The following TRIM59 variants were observed in gnomAD, a reference collection of about 807,000 sequenced individuals.
The protein encoded by TRIM59 is tripartite motif containing 59.
A neutral mutation model predicts 32.2 loss-of-function variants in TRIM59; 14 were observed. That is an observed-to-expected ratio of 0.43 (90% CI 0.29 to 0.68). The LOEUF is 0.68. Ranked by LOEUF, TRIM59 falls within the 30% of genes least tolerant of loss-of-function variation. The probability of loss-of-function intolerance (pLI) is 0.15; values close to 1 mark genes in which losing one functional copy is unlikely to be tolerated. For synonymous variants in TRIM59, 163 were observed against 155.1 expected, an observed-to-expected ratio of 1.05 and a Z score of -0.38; for missense variants, 471 against 463.3, an observed-to-expected ratio of 1.02 and a Z score of -0.15.
rs1718895126 is a variant in TRIM59 at position 160,435,613 on chromosome 3, A to G, written c.*2359T>C. ...TTGCAATCTTCCTGCTGGTAAAAAT[A>G]CAAAACAGCAGCATAAGAACCAGTT... On this transcript the variant is annotated 3_prime_UTR_variant, in exon 3 of 3. Coordinates refer to ENST00000309784, the MANE Select transcript of TRIM59 (RefSeq NM_173084.3). 6.1e-6 allele frequency: 1 copy of G among 165,062 alleles called. No individual in the cohort carries two copies. The highest frequency in any genetic ancestry group is 2.4e-5 in the African/African-American group (1 of 41,708). 10.2% of individuals were successfully genotyped at this position (165,062 alleles called of 1,614,324 possible).
At chr3:160,447,480 AC>A (rs1719599080) in intron 2 of TRIM59, among the ~76,000 whole-genome samples, 1 of 152,186 alleles carries the variant, frequency 6.6e-6, no homozygotes. Context: ...GAATTTCCAA[AC>A]TTTTTATTAA....
Position 160,435,975 on chromosome 3 carries a change from T to TA in TRIM59, c.*1996dup, listed in dbSNP as rs1718921051. On this transcript the variant is annotated 3_prime_UTR_variant, in exon 3 of 3. Transcript: ENST00000309784. ...ACATAATGGCTAACATTTCATTGCT[T>TA]ACGTGTTTTTGAAACTACAGGGCAC... The TA allele has an allele frequency of 7.9e-7, 1 of 1,272,016 alleles. No individual in the cohort carries two copies. Among genetic ancestry groups the TA allele is most frequent in the South Asian group, 1.3e-5 (1 of 77,710 alleles). The allele number at this position is 1,272,016 out of a possible 1,614,324, so 78.8% of individuals were successfully genotyped here.
In TRIM59 at chr3:160,448,785, T is replaced by G; in HGVS notation, c.-63A>C. 1 of 1,261,084 alleles carries G rather than the reference T, an allele frequency of 7.9e-7. No homozygotes were observed. 78.1% of individuals were successfully genotyped at this position (1,261,084 alleles called of 1,614,324 possible). A position where few individuals can be genotyped will look rare whatever the true frequency, so the allele number is the denominator to read the frequency against. ...TCTTCTCCAACTCCTCCAGAATCTT[T>G]TATTCTTATTCTAAAATTAAAATAA... On this transcript the variant is annotated 5_prime_UTR_variant, in exon 2 of 3. Coordinates refer to ENST00000309784, the MANE Select transcript of TRIM59 (RefSeq NM_173084.3).
In TRIM59 at chr3:160,437,450, T is replaced by C. The variant is rs1054713373; in HGVS notation, c.*522A>G. ...GTGATAAGCATTTAGGGCTCTTAAA[T>C]CTATCTCAAACACAGGTATGTTTGA... On this transcript the variant is annotated 3_prime_UTR_variant, in exon 3 of 3. Coordinates refer to ENST00000309784, the MANE Select transcript of TRIM59 (RefSeq NM_173084.3). 4.7e-5 allele frequency: 46 copies of C among 985,306 alleles called. No homozygotes were observed. The highest frequency in any genetic ancestry group is 5.2e-4 in the Middle Eastern group (1 of 1,936). 61.0% of individuals were successfully genotyped at this position (985,306 alleles called of 1,614,324 possible). A position where few individuals can be genotyped will look rare whatever the true frequency, so the allele number is the denominator to read the frequency against.
chr3:160,441,387 T>C (rs544809561), intron 2 of TRIM59, among the ~76,000 whole-genome samples: 1 of 151,884 alleles, frequency 6.6e-6, no homozygotes, highest in Admixed American at 6.6e-5. Flanking sequence ...TGTTTTGGGG[T>C]TTTTTGTTTT....
In TRIM59 at chr3:160,436,451, A is replaced by C. The variant is rs925506023; in HGVS notation, c.*1521T>G. On this transcript the variant is annotated 3_prime_UTR_variant, in exon 3 of 3. Coordinates refer to ENST00000309784, the MANE Select transcript of TRIM59 (RefSeq NM_173084.3). ...GCATCATAACTCCAGTCCCTGTTAA[A>C]GGGAACTAAAGGGCTTTGATTTAAT... 2 of 985,808 alleles carry C rather than the reference A, an allele frequency of 2.0e-6. No homozygotes were observed. The highest frequency in any genetic ancestry group is 3.5e-5 in the African/African-American group (2 of 57,262). The allele number at this position is 985,808 out of a possible 1,614,324, so 61.1% of individuals were successfully genotyped here.
At position 160,438,331 on chromosome 3, in the gene TRIM59, A is replaced by G. The variant is rs777718395; in HGVS notation, c.853T>C (p.Leu285=). ...VEIYPRVSKI[L]KEEWSRTEIG... The stretch of plus-strand genomic sequence containing the variant: ...TCTGTTCTGCTCCATTCTTCTTTCA[A>G]TATTTTGCTTACTCGAGGATAAATT... Residue 285 remains leucine (L), a synonymous_variant, in exon 3 of 3, where the codon TTG becomes CTG. Transcript: ENST00000309784. The G allele has an allele frequency of 1.5e-5, 25 of 1,613,156 alleles. No homozygotes were observed. Among genetic ancestry groups the G allele is most frequent in the Non-Finnish European group, 2.0e-5 (24 of 1,179,818 alleles).
At position 160,438,879 on chromosome 3, in the gene TRIM59, C is replaced by T; in HGVS notation, c.305G>A (p.Arg102Lys). The change falls in exon 3 of 3, where the codon AGG (arginine) becomes AAG (lysine). Residue 102 changes from arginine to lysine, a missense_variant. Transcript: ENST00000309784. ...TAGACAGTAAACATTTAATGGTTGC[C>T]TGTAATGTTCAGGGCAGGTGACAAT... Reference protein sequence around the residue: ...PDIVTCPEHYRQPLNVYCLLD... With the variant: ...PDIVTCPEHYKQPLNVYCLLD... 1 of 1,613,950 alleles carries T rather than the reference C, an allele frequency of 6.2e-7. No homozygotes were observed. Among genetic ancestry groups the T allele is most frequent in the Non-Finnish European group, 8.5e-7 (1 of 1,179,922 alleles).
chr3:160,441,552 G>C (rs1010934682), intron 2 of TRIM59, among the ~76,000 whole-genome samples: 6 of 152,008 alleles, frequency 3.9e-5, no homozygotes, highest in Admixed American at 2.0e-4. Flanking sequence ...AGGTGATTGA[G>C]ACCATCCTGC....
rs767243355 is a variant in TRIM59 at position 160,436,199 on chromosome 3, A to G, written c.*1773T>C. ...CATCTTAGTGTTAAGACTTATTCTC[A>G]GCAGGTAAGAGTTTTAGAACTAGTT... is the stretch of plus-strand genomic sequence containing the variant. On this transcript the variant is annotated 3_prime_UTR_variant, in exon 3 of 3. Coordinates refer to ENST00000309784, the MANE Select transcript of TRIM59 (RefSeq NM_173084.3). 448 of 1,004,500 alleles carry G rather than the reference A, an allele frequency of 4.5e-4. No homozygotes were observed. The highest frequency in any genetic ancestry group is 4.8e-4 in the Non-Finnish European group (406 of 842,280). The allele number at this position is 1,004,500 out of a possible 1,614,324, so 62.2% of individuals were successfully genotyped here. A position where few individuals can be genotyped will look rare whatever the true frequency, so the allele number is the denominator to read the frequency against.
At position 160,436,940 on chromosome 3, in the gene TRIM59, C is replaced by T; in HGVS notation, c.*1032G>A. On this transcript the variant is annotated 3_prime_UTR_variant, in exon 3 of 3. Coordinates refer to ENST00000309784, the MANE Select transcript of TRIM59 (RefSeq NM_173084.3). Reference sequence around the variant, plus strand: ...TCAAAACCTGTTGCAGACCAAGTTACCAACATGATTCTGTTCTAATAAGAA... The same window carrying T: ...TCAAAACCTGTTGCAGACCAAGTTATCAACATGATTCTGTTCTAATAAGAA... 1.0e-6 allele frequency: 1 copy of T among 984,764 alleles called. No individual in the cohort carries two copies. Among genetic ancestry groups the T allele is most frequent in the South Asian group, 4.7e-5 (1 of 21,260 alleles). 61.0% of individuals were successfully genotyped at this position (984,764 alleles called of 1,614,324 possible).
rs1718891436 is a variant in TRIM59, at chr3:160,435,550, A to C, written c.*2422T>G. Reference sequence around the variant, plus strand: ...TAAAATACATATTTTGTTATACATAAAACTTAGAAATATTTCAAGATTTAC... The same window carrying C: ...TAAAATACATATTTTGTTATACATACAACTTAGAAATATTTCAAGATTTAC... On this transcript the variant is annotated 3_prime_UTR_variant, in exon 3 of 3. Coordinates refer to ENST00000309784, the MANE Select transcript of TRIM59 (RefSeq NM_173084.3). The C allele has an allele frequency of 1.8e-5, 3 of 168,738 alleles. No homozygotes were observed. Among genetic ancestry groups the C allele is most frequent in the Non-Finnish European group, 2.6e-5 (2 of 78,256 alleles). 10.5% of individuals were successfully genotyped at this position (168,738 alleles called of 1,614,324 possible). A position where few individuals can be genotyped will look rare whatever the true frequency, so the allele number is the denominator to read the frequency against.
At chr3:160,447,948 A>G (rs531898087) in intron 2 of TRIM59, 4 of 152,196 alleles carry the variant, frequency 2.6e-5, no homozygotes, top group African/African-American at 9.6e-5. Context: ...ATTATCGCAG[A>G]AAGTCTGAGA....
In TRIM59 at chr3:160,449,779, C is replaced by G; in HGVS notation, c.-136G>C. Reference sequence around the variant, plus strand: ...GAAACACAGCGCCACGAGCTCCAGGCGGATGCTGAGAGCCGCCCCGAGTCC... The same window carrying G: ...GAAACACAGCGCCACGAGCTCCAGGGGGATGCTGAGAGCCGCCCCGAGTCC... On this transcript the variant is annotated 5_prime_UTR_variant, in exon 1 of 3. Transcript: ENST00000309784. 4 of 1,269,920 alleles carry G rather than the reference C, an allele frequency of 3.1e-6. No individual in the cohort carries two copies. The highest frequency in any genetic ancestry group is 5.6e-5 in the East Asian group (1 of 17,922). 78.7% of individuals were successfully genotyped at this position (1,269,920 alleles called of 1,614,324 possible).
intron 2 of TRIM59, among the ~76,000 whole-genome samples, chr3:160,441,852 A>G (rs1174500840): frequency 6.6e-6 from 1 of 152,228 alleles, no homozygotes; most frequent in Non-Finnish European, 1.5e-5. Context: ...ACAGAGACTA[A>G]GCTTGAACTG....
At position 160,437,469 on chromosome 3, in the gene TRIM59, T is replaced by C; in HGVS notation, c.*503A>G. On this transcript the variant is annotated 3_prime_UTR_variant, in exon 3 of 3. Coordinates refer to ENST00000309784, the MANE Select transcript of TRIM59 (RefSeq NM_173084.3). ...CTTAAATCTATCTCAAACACAGGTA[T>C]GTTTGATCAAAAGATCTTTAAGCCA... is the stretch of plus-strand genomic sequence containing the variant. The C allele has an allele frequency of 2.0e-6, 2 of 985,408 alleles. No homozygotes were observed. The highest frequency in any genetic ancestry group is 1.7e-5 in the African/African-American group (1 of 57,372). 61.0% of individuals were successfully genotyped at this position (985,408 alleles called of 1,614,324 possible).
chr3:160,439,060 C>T lies in TRIM59; in HGVS notation c.124G>A (p.Gly42Ser). ...AAAGGTCTCCATATATAAAAGTTAC[C>T]AGATGCCTGAAGAATGTTTTCCAAA... is the stretch of plus-strand genomic sequence containing the variant. Reference protein sequence around the residue: ...NCLENILQASGNFYIWRPLRI... With the variant: ...NCLENILQASSNFYIWRPLRI... The change falls in exon 3 of 3, where the codon GGT (glycine) becomes AGT (serine). Residue 42 changes from glycine (G) to serine (S), a missense_variant. Gly to Ser is a moderately conservative substitution (Grantham distance 56). Coordinates refer to ENST00000309784, the MANE Select transcript of TRIM59 (RefSeq NM_173084.3). The T allele has an allele frequency of 6.3e-7, 1 of 1,575,910 alleles. No individual in the cohort carries two copies. Among genetic ancestry groups the T allele is most frequent in the Non-Finnish European group, 8.6e-7 (1 of 1,162,322 alleles).
At chr3:160,442,434 T>C (rs1179494775) in intron 2 of TRIM59, among the ~76,000 whole-genome samples, 1 of 151,678 alleles carries the variant, frequency 6.6e-6, no homozygotes, top group African/African-American at 2.4e-5. Flanking sequence ...ATACAAAAAT[T>C]AGCCAGGCAT....
intron 2 of TRIM59, among the ~76,000 whole-genome samples, chr3:160,440,443 C>T (rs1163060576): frequency 5.3e-5 from 8 of 152,216 alleles, no homozygotes; most frequent in Non-Finnish European, 2.9e-5. Context: ...TGGCAAGCTA[C>T]TACTGATATT....
Sources: gnomAD v4.1 joint callset for allele counts (sites outside exome capture counted in the v4.1 genomes callset) on GRCh38, gnomAD v4.1.1 for gene constraint, MANE v1.5 for transcripts, NCBI Gene and HGNC (gene_info 2026-07-23, HGNC 2026-07-21) for gene names.